TEX11: variants seen among roughly 807,000 people sequenced by gnomAD.
TEX11 encodes the protein testis expressed 11.
TEX11 carries 7 observed loss-of-function variants against 84.4 expected under a neutral mutation model. The observed-to-expected ratio is 0.08, with a 90% CI of 0.05 to 0.16. The LOEUF (loss-of-function observed/expected upper bound fraction) is 0.16. Ranked by LOEUF, TEX11 falls within the 10% of genes least tolerant of loss-of-function variation. The pLI is 1.00. For synonymous variants in TEX11, 264 were observed against 222.8 expected (o/e 1.18, Z -1.64); for missense variants, 551 against 660.5 (o/e 0.83, Z 1.82).
At chrX:70,696,492 G>A (rs2090281758) in intron 13 of TEX11, among the ~76,000 whole-genome samples, 1 of 112,133 alleles carries the variant, frequency 8.9e-6, no homozygotes, top group African/African-American at 3.2e-5. Flanking sequence ...AAACTCACCA[G>A]GTGGATGGCT....
At chrX:70,584,253 G>A (rs1196424991) in intron 25 of TEX11, among the ~76,000 whole-genome samples, 119 of 104,694 alleles carry the variant, frequency 1.1e-3, no homozygotes, top group Non-Finnish European at 2.1e-3. Flanking sequence ...ACTGCAGTCC[G>A]CAGTCTGGCC....
At chrX:70,699,399 G>A (rs2090307611) in intron 13 of TEX11, among the ~76,000 whole-genome samples, 1 of 111,499 alleles carries the variant, frequency 9.0e-6, no homozygotes, top group Non-Finnish European at 1.9e-5. Flanking sequence ...AGGGTGGTTT[G>A]CTACACAACA....
intron 24 of TEX11, among the ~76,000 whole-genome samples, chrX:70,603,713 A>C (rs1002316425): frequency 5.4e-5 from 6 of 111,415 alleles, no homozygotes; most frequent in African/African-American, 1.6e-4. Context: ...GGATCTAATT[A>C]AACTAAAGAG....
intron 9 of TEX11, among the ~76,000 whole-genome samples, chrX:70,792,956 C>A (rs1383185166): frequency 9.0e-6 from 1 of 111,519 alleles, no homozygotes; most frequent in Non-Finnish European, 1.9e-5. Context: ...AAAATACTAG[C>A]AAACTGAATC....
chrX:70,794,320 G>A (rs2091142965), intron 9 of TEX11, among the ~76,000 whole-genome samples: 1 of 111,882 alleles, frequency 8.9e-6, no homozygotes. Flanking sequence ...CCTAGTCAGA[G>A]GGCAATCATC....
chrX:70,890,964 G>A (rs1027730191), intron 2 of TEX11, among the ~76,000 whole-genome samples: 2 of 112,236 alleles, frequency 1.8e-5, no homozygotes, highest in Admixed American at 9.4e-5. Context: ...GGGGCCGACT[G>A]ACATCTCATA....
chrX:70,634,015 G>T (rs1569367195), intron 17 of TEX11, among the ~76,000 whole-genome samples: 2 of 112,180 alleles, frequency 1.8e-5, no homozygotes, highest in Non-Finnish European at 3.8e-5. Flanking sequence ...TAATAAGTGA[G>T]TTTACCAAAG....
At chrX:70,866,507 A>G (rs1006446037) in intron 4 of TEX11, among the ~76,000 whole-genome samples, 3 of 111,299 alleles carry the variant, frequency 2.7e-5, no homozygotes, top group African/African-American at 9.8e-5. Flanking sequence ...AACTATTCCA[A>G]TCAATAGAAA....
At chrX:70,805,810 G>T (rs1983094429) in intron 9 of TEX11, among the ~76,000 whole-genome samples, 1 of 112,098 alleles carries the variant, frequency 8.9e-6, no homozygotes, top group Non-Finnish European at 1.9e-5. Context: ...TATCTACTGT[G>T]TGTCAGAATC....
In TEX11 at chrX:70,893,502, A is replaced by G. The variant is rs148790984; in HGVS notation, c.38-13393T>C. On this transcript the variant is annotated intron_variant, in intron 2 of 29. Coordinates refer to ENST00000374333, the MANE Select transcript of TEX11 (RefSeq NM_031276.3). ...TAATAACGAAATTAAGGCAGAAATA[A>G]TGAAGTTGTTTGAAACCAATGAGAG... Among the ~76,000 whole-genome samples, 123 of 111,948 alleles carry G rather than the reference A, an allele frequency of 1.1e-3. 1 individual carries two copies. The highest frequency in any genetic ancestry group is 1.7e-3 in the Non-Finnish European group (90 of 53,246).
intron 17 of TEX11, among the ~76,000 whole-genome samples, chrX:70,648,791 G>C (rs1205938820): frequency 9.0e-6 from 1 of 111,100 alleles, no homozygotes; most frequent in Non-Finnish European, 1.9e-5. Flanking sequence ...TGTCATGGTG[G>C]TTTGATGCAC....
At chrX:70,523,304 GGTAA>G in the TEX11 span, among the ~76,000 whole-genome samples, 1 of 110,197 alleles carries the variant, frequency 9.1e-6, no homozygotes, top group Non-Finnish European at 1.9e-5. Flanking sequence ...TGGGGATCAT[GGTAA>G]GTAAGAAAGC....
intron 4 of TEX11, among the ~76,000 whole-genome samples, chrX:70,869,510 T>G (rs982538270): frequency 8.9e-6 from 1 of 112,182 alleles, no homozygotes; most frequent in Non-Finnish European, 1.9e-5. Context: ...TCACCTTCCT[T>G]AACTTCATAG....
In TEX11 at chrX:70,782,645, CAAA is replaced by C. The variant is rs780011355; in HGVS notation, c.692+24057_692+24059del. ...GAAGATCTACCAAGCAAATGGAAAG[CAAA>C]AAAAAAAAAAAAAAAAAACAGGGGT... On this transcript the variant is annotated intron_variant, in intron 9 of 29. Transcript: ENST00000374333. Among the ~76,000 whole-genome samples the C allele has an allele frequency of 7.6e-4, 22 of 28,900 alleles. 1 individual carries two copies. In the South Asian group the frequency reaches 0.057, roughly 74 times the overall value. The allele number at this position is 28,900 out of a possible 115,157, so 25.1% of individuals were successfully genotyped here. A position where few individuals can be genotyped will look rare whatever the true frequency, so the allele number is the denominator to read the frequency against.
Position 70,833,470 on chromosome X carries a change from A to T in TEX11, c.606+43T>A, listed in dbSNP as rs750424919. On this transcript the variant is annotated intron_variant, in intron 8 of 29. Transcript: ENST00000374333. ...GTAATGATTCTTCCTGGAACTTGAT[A>T]TAGCATATTTTCAAACTCTTGGAGA... 30 of 1,059,947 alleles carry T rather than the reference A, an allele frequency of 2.8e-5. No individual in the cohort carries two copies. The South Asian group carries it at 5.8e-4, about 20-fold the overall frequency. 87.4% of individuals were successfully genotyped at this position (1,059,947 alleles called of 1,213,427 possible).
At chrX:70,712,637 T>G (rs947479132) in intron 13 of TEX11, among the ~76,000 whole-genome samples, 3 of 111,444 alleles carry the variant, frequency 2.7e-5, no homozygotes, top group Non-Finnish European at 5.7e-5. Context: ...TGCACATTGA[T>G]TTTGTATCCT....
intron 3 of TEX11, among the ~76,000 whole-genome samples, chrX:70,874,243 T>C (rs936412165): frequency 1.8e-5 from 2 of 110,307 alleles, no homozygotes; most frequent in Admixed American, 9.8e-5. Flanking sequence ...CTTTTCCTTA[T>C]CAATTACCCA....
intron 9 of TEX11, among the ~76,000 whole-genome samples, chrX:70,776,359 C>G (rs1004804266): frequency 9.1e-6 from 1 of 109,845 alleles, no homozygotes; most frequent in Non-Finnish European, 1.9e-5. Context: ...TCCAGGAGTT[C>G]GAGACCAACC....
intron 25 of TEX11, 41 bp downstream of exon 25, chrX:70,591,710 C>T: frequency 9.5e-7 from 1 of 1,057,561 alleles, no homozygotes; most frequent in Non-Finnish European, 1.3e-6. Flanking sequence ...ATTCTAAGCT[C>T]CTTTCAAACT....
Sources: allele counts gnomAD v4.1 joint callset (sites outside exome capture counted in the v4.1 genomes callset), GRCh38; gene constraint gnomAD v4.1.1; transcripts MANE v1.5; gene names NCBI Gene and HGNC (gene_info 2026-07-23, HGNC 2026-07-21).